The following TBL1X variants were observed in gnomAD, a reference collection of about 807,000 sequenced individuals.
TBL1X encodes transducin beta like 1 X-linked.
A neutral mutation model predicts 50.7 loss-of-function variants in TBL1X; 10 were observed. The observed-to-expected ratio is 0.20, with a 90% CI of 0.12 to 0.33. The LOEUF (loss-of-function observed/expected upper bound fraction) is 0.33, where lower values mean the gene tolerates loss of function less well. TBL1X is among the 10% of genes least tolerant of loss of function. TBL1X has a pLI of 1.00. For missense variants in TBL1X, 340 were observed against 504.4 expected (o/e 0.67, Z 3.12); for synonymous variants, 190 against 214.7 (o/e 0.88, Z 1.01).
intron 2 of TBL1X, among the ~76,000 whole-genome samples, chrX:9,555,242 A>C (rs1362131398): frequency 9.1e-6 from 1 of 110,265 alleles, no homozygotes; most frequent in Non-Finnish European, 1.9e-5. Context: ...CGCCTGGCTA[A>C]TTTGTTTTTA....
At chrX:9,693,726 G>A (rs182397020) in intron 11 of TBL1X, among the ~76,000 whole-genome samples, 8 of 111,766 alleles carry the variant, frequency 7.2e-5, no homozygotes, top group African/African-American at 2.6e-4. Context: ...AAGGAGCCAC[G>A]TGGTATGGGG....
chrX:9,693,701 T>C (rs1248270187), intron 11 of TBL1X, among the ~76,000 whole-genome samples: 1 of 111,553 alleles, frequency 9.0e-6, no homozygotes, highest in Non-Finnish European at 1.9e-5. Flanking sequence ...CCACATTGCA[T>C]TTGTCAGTTG....
intron 2 of TBL1X, among the ~76,000 whole-genome samples, chrX:9,580,013 T>C (rs922792905): frequency 8.9e-6 from 1 of 112,028 alleles, no homozygotes; most frequent in Non-Finnish European, 1.9e-5. Context: ...AGTCAAACTC[T>C]GTAAAATATT....
chrX:9,491,335 TATA>T (rs1444120874), intron 1 of TBL1X, among the ~76,000 whole-genome samples: 35 of 26,749 alleles, frequency 1.3e-3, no homozygotes, highest in African/African-American at 4.3e-3. Context: ...TATATATATA[TATA>T]TTTTTTTTTT....
intron 1 of TBL1X, among the ~76,000 whole-genome samples, chrX:9,497,932 A>G (rs2081981195): frequency 1.2e-5 from 1 of 83,471 alleles, no homozygotes; most frequent in African/African-American, 5.1e-5. Flanking sequence ...GGGTCTCGCT[A>G]AGTTTCCCAG....
chrX:9,693,968 T>G (rs1244146004), intron 11 of TBL1X, among the ~76,000 whole-genome samples: 1 of 111,408 alleles, frequency 9.0e-6, no homozygotes, highest in East Asian at 2.8e-4. Flanking sequence ...GGAGACACGG[T>G]AGTGTTAACT....
At chrX:9,544,912 T>C (rs1344279810) in intron 2 of TBL1X, among the ~76,000 whole-genome samples, 1 of 111,136 alleles carries the variant, frequency 9.0e-6, no homozygotes, top group Non-Finnish European at 1.9e-5. Flanking sequence ...GGTATTTTGT[T>C]GAAGGCAAAT....
chrX:9,519,920 T>A (rs756872835), intron 2 of TBL1X, among the ~76,000 whole-genome samples: 1 of 112,703 alleles, frequency 8.9e-6, no homozygotes, highest in Admixed American at 9.3e-5. Flanking sequence ...TCATTTCTCC[T>A]GTCCTACTCT....
intron 5 of TBL1X, among the ~76,000 whole-genome samples, chrX:9,667,716 G>C (rs981033927): frequency 3.6e-5 from 4 of 111,825 alleles, no homozygotes; most frequent in African/African-American, 1.3e-4. Context: ...AGGAAGAGGG[G>C]AAAGGAAAGA....
intron 2 of TBL1X, among the ~76,000 whole-genome samples, chrX:9,633,286 G>A (rs1178271287): frequency 8.9e-6 from 1 of 111,743 alleles, no homozygotes; most frequent in Non-Finnish European, 1.9e-5. Context: ...TTAAAAGGAA[G>A]GGGACTCTTC....
chrX:9,676,296 C>T (rs2082993710), intron 5 of TBL1X, among the ~76,000 whole-genome samples: 1 of 111,849 alleles, frequency 8.9e-6, no homozygotes, highest in African/African-American at 3.3e-5. Flanking sequence ...TCTCTGTGAG[C>T]ATTTCCAGGA....
chrX:9,652,636 C>T (rs1298949383), intron 3 of TBL1X, among the ~76,000 whole-genome samples: 2 of 111,760 alleles, frequency 1.8e-5, no homozygotes, highest in Non-Finnish European at 3.8e-5. Context: ...GCAGGTGGAT[C>T]GCTTGAGTTC....
rs780204959 is a variant in TBL1X at position 9,536,425 on chromosome X, A to AT, written c.-131+34582dup. Among the ~76,000 whole-genome samples the AT allele has an allele frequency of 1.2e-4, 13 of 109,288 alleles. No homozygotes were observed. In the East Asian group the frequency reaches 1.7e-3, roughly 15 times the overall value. 94.9% of individuals were successfully genotyped at this position (109,288 alleles called of 115,157 possible). ...ACCACGATGCCCAGCTAATTTTTGT[A>AT]TTTTTTAGTAGAGATGAGGTTTCAC... is the stretch of plus-strand genomic sequence containing the variant. On this transcript the variant is annotated intron_variant, in intron 2 of 17. Transcript: ENST00000645353.
chrX:9,717,440 G>T lies in TBL1X; in HGVS notation c.*1194G>T, dbSNP rs2083285769. ...GAAAACTCTGGCTGGACAAGGGTCA[G>T]TCTTCGGGGTCAGCAGCGAGATTGC... On this transcript the variant is annotated 3_prime_UTR_variant, in exon 18 of 18. Transcript: ENST00000645353. 1 of 111,989 alleles carries T rather than the reference G, an allele frequency of 8.9e-6. No individual in the cohort carries two copies. The highest frequency in any genetic ancestry group is 3.7e-4 in the South Asian group (1 of 2,683). The allele number at this position is 111,989 out of a possible 1,213,427, so 9.2% of individuals were successfully genotyped here.
chrX:9,621,942 C>T (rs917108570), intron 2 of TBL1X, among the ~76,000 whole-genome samples: 26 of 111,729 alleles, frequency 2.3e-4, no homozygotes, highest in Non-Finnish European at 3.0e-4. Context: ...ATCAGAATGA[C>T]ATTTTTGAAT....
intron 6 of TBL1X, 140 bp from the exon 7 acceptor site, chrX:9,687,875 GCT>G: frequency 9.5e-7 from 1 of 1,056,292 alleles, no homozygotes. Context: ...GGTCCATGCC[GCT>G]TCCCCCGTGG....
At chrX:9,707,284 C>G (rs551038040) in intron 13 of TBL1X, among the ~76,000 whole-genome samples, 2 of 111,687 alleles carry the variant, frequency 1.8e-5, no homozygotes, top group East Asian at 5.7e-4. Context: ...TTTTAGAGCA[C>G]AGGCACCTAT....
intron 2 of TBL1X, among the ~76,000 whole-genome samples, chrX:9,518,097 T>G: frequency 1.7e-5 from 1 of 58,430 alleles, no homozygotes; most frequent in Middle Eastern, 0.012. Context: ...AGATCCTCTC[T>G]CAAAAAAAAA....
At chrX:9,500,449 A>C (rs2081995301) in intron 1 of TBL1X, among the ~76,000 whole-genome samples, 3 of 110,354 alleles carry the variant, frequency 2.7e-5, no homozygotes, top group African/African-American at 9.9e-5. Flanking sequence ...ACAAAATATT[A>C]GCTGGATGTG....
Sources: allele counts gnomAD v4.1 joint callset (sites outside exome capture counted in the v4.1 genomes callset), GRCh38; gene constraint gnomAD v4.1.1; transcripts MANE v1.5; gene names NCBI Gene and HGNC (gene_info 2026-07-23, HGNC 2026-07-21).